BMP7: variants seen among roughly 807,000 people sequenced by gnomAD.
The protein encoded by BMP7 is bone morphogenetic protein 7.
In BMP7, 12 loss-of-function variants were observed where a neutral mutation model predicts 41.2. The ratio of observed to expected loss-of-function variants is 0.29; its 90% CI spans 0.19 to 0.47. The LOEUF is 0.47. BMP7 is among the 20% of genes least tolerant of loss of function. The pLI is 0.99. For synonymous variants in BMP7, 248 were observed against 250.0 expected (o/e 0.99, Z 0.07); for missense variants, 467 against 606.0 (o/e 0.77, Z 2.41).
chr20:57,179,314 C>CGCCA (rs745315990), intron 4 of BMP7, among the ~76,000 whole-genome samples: 276 of 152,360 alleles, frequency 1.8e-3, no homozygotes, highest in Non-Finnish European at 2.2e-3. Flanking sequence ...ACAGCCCTGA[C>CGCCA]GCCAGCACCG....
At position 57,189,409 on chromosome 20, in the gene BMP7, C is replaced by T. The variant is rs138857506; in HGVS notation, c.761-5490G>A. On this transcript the variant is annotated intron_variant, in intron 3 of 6. Transcript: ENST00000395863. ...AAATGAAAATGTGGGGCCTCTTGTT[C>T]AAAAGTGATTCATCATTTCAAGGTG... is the stretch of plus-strand genomic sequence containing the variant. 2.2e-3 allele frequency among the ~76,000 whole-genome samples: 340 copies of T among 152,296 alleles called. 3 individuals carry two copies. Among genetic ancestry groups the T allele is most frequent in the African/African-American group, 7.9e-3 (330 of 41,558 alleles).
intron 3 of BMP7, among the ~76,000 whole-genome samples, chr20:57,190,308 G>A (rs188645635): frequency 1.1e-4 from 16 of 151,930 alleles, no homozygotes; most frequent in African/African-American, 3.4e-4. Context: ...AGGCCAGAGT[G>A]AGTGAGGAGC....
At chr20:57,263,578 AC>A in intron 1 of BMP7, among the ~76,000 whole-genome samples, 1 of 152,156 alleles carries the variant, frequency 6.6e-6, no homozygotes, top group Middle Eastern at 3.4e-3. Context: ...GATTACAAAT[AC>A]CTTTTTAATG....
intron 3 of BMP7, among the ~76,000 whole-genome samples, chr20:57,189,862 G>A (rs1984309264): frequency 1.3e-5 from 2 of 152,232 alleles, no homozygotes; most frequent in Admixed American, 6.5e-5. Flanking sequence ...GCTGACTGGC[G>A]AGGGAGATCA....
At chr20:57,254,347 G>A (rs1019175019) in intron 1 of BMP7, among the ~76,000 whole-genome samples, 1 of 152,030 alleles carries the variant, frequency 6.6e-6, no homozygotes, top group African/African-American at 2.4e-5. Flanking sequence ...CTTATTAAAA[G>A]ACAGAAAACT....
intron 1 of BMP7, among the ~76,000 whole-genome samples, chr20:57,250,637 A>G (rs6070035): frequency 0.46 from 69,795 of 151,670 alleles, 16,252 homozygotes; most frequent in Admixed American, 0.52. Context: ...ATGGTGTTCA[A>G]AGAAATAAAA....
In BMP7 at chr20:57,173,283, C is replaced by T. The variant is rs962224086; in HGVS notation, c.1063G>A (p.Ala355Thr). The T allele has an allele frequency of 9.9e-6, 16 of 1,614,042 alleles. No individual in the cohort carries two copies. The highest frequency in any genetic ancestry group is 5.0e-5 in the Admixed American group (3 of 60,010). Residue 355 changes from alanine (A) to threonine (T), a missense_variant, in exon 6 of 7, where the codon GCC becomes ACC. This residue lies in a region of BMP7 where 60 missense variants were observed against 120.1 expected (regional missense o/e 0.50). Coordinates refer to ENST00000395863, the MANE Select transcript of BMP7 (RefSeq NM_001719.3). ...CACTCCCCCTCACAGTAGTAGGCGGCGTAGCCTTCAGGCGCGATGATCCAG... is the reference window on the plus strand; with the variant it reads ...CACTCCCCCTCACAGTAGTAGGCGGTGTAGCCTTCAGGCGCGATGATCCAG... ...QDWIIAPEGY[A>T]AYYCEGECAF...
rs1284888052 is a variant in BMP7 at position 57,265,828 on chromosome 20, C to T, written c.295G>A (p.Gly99Ser). 1.9e-6 allele frequency: 3 copies of T among 1,606,424 alleles called. No individual in the cohort carries two copies. The highest frequency in any genetic ancestry group is 1.7e-5 in the Admixed American group (1 of 59,182). The change falls in exon 1 of 7, where the codon GGC (glycine) becomes AGC (serine). Residue 99 changes from glycine to serine, a missense_variant. By Grantham distance (56) the Gly-to-Ser change is moderately conservative (BLOSUM62 0). Around this residue, in one of 2 missense-constraint regions of BMP7, gnomAD observed 407 missense variants for 485.9 expected, o/e 0.84. Transcript: ENST00000395863. ...TAGGGGTAGGAGAAGCCCTGGCCGC[C>T]GGGCCCGCCGCCCTCCTCCACCGCC... ...AMAVEEGGGP[G>S]GQGFSYPYKA...
chr20:57,247,227 A>C (rs2066094012), intron 1 of BMP7, among the ~76,000 whole-genome samples: 1 of 152,214 alleles, frequency 6.6e-6, no homozygotes. Flanking sequence ...CAAACTGCTT[A>C]AGAGCCTCCC....
At chr20:57,239,631 G>T (rs368716821) in intron 1 of BMP7, among the ~76,000 whole-genome samples, 4 of 152,220 alleles carry the variant, frequency 2.6e-5, no homozygotes, top group South Asian at 4.1e-4. Flanking sequence ...CCTAGCGGAG[G>T]TTCTCCATGA....
chr20:57,214,618 T>C lies in BMP7; in HGVS notation c.612-11995A>G, dbSNP rs1394662377. On this transcript the variant is annotated intron_variant, in intron 2 of 6. Transcript: ENST00000395863. This position sits in a 1 kb window ranked among gnomAD's most constrained non-coding sequence, Gnocchi z 4.0. ...ATGCTGTTTCCGCTGCCTGCAACAC[T>C]GTTCCCTGCCTTTTCACCTCCCTCA... Among the ~76,000 whole-genome samples, 1 of 151,992 alleles carries C rather than the reference T, an allele frequency of 6.6e-6. No individual in the cohort carries two copies. Among genetic ancestry groups the C allele is most frequent in the East Asian group, 1.9e-4 (1 of 5,164 alleles).
intron 3 of BMP7, among the ~76,000 whole-genome samples, chr20:57,201,537 G>A (rs1248289914): frequency 1.3e-5 from 2 of 152,236 alleles, no homozygotes; most frequent in Non-Finnish European, 2.9e-5. Context: ...GTTGTCCCTG[G>A]GAAGTGGAAC....
In BMP7 at chr20:57,199,634, T is replaced by C. The variant is rs1003813188; in HGVS notation, c.760+2841A>G. Among the ~76,000 whole-genome samples the C allele has an allele frequency of 1.4e-4, 22 of 152,156 alleles. No homozygotes were observed. The Middle Eastern group carries it at 9.5e-3, about 66-fold the overall frequency. On this transcript the variant is annotated intron_variant, in intron 3 of 6. Coordinates refer to ENST00000395863, the MANE Select transcript of BMP7 (RefSeq NM_001719.3). ...CTGAAGGACGCCAGGCTTGAGATCCTCCACGGTAGGGAAAACAAAGCATTT... is the reference window on the plus strand; with the variant it reads ...CTGAAGGACGCCAGGCTTGAGATCCCCCACGGTAGGGAAAACAAAGCATTT...
At chr20:57,248,534 C>G (rs1029645745) in intron 1 of BMP7, among the ~76,000 whole-genome samples, 16 of 152,138 alleles carry the variant, frequency 1.1e-4, no homozygotes, top group African/African-American at 3.6e-4. Flanking sequence ...TGTGAGATTG[C>G]ATGAGGATGA....
At chr20:57,229,689 G>A (rs951088015) in intron 1 of BMP7, among the ~76,000 whole-genome samples, 1 of 152,244 alleles carries the variant, frequency 6.6e-6, no homozygotes, top group Non-Finnish European at 1.5e-5. Flanking sequence ...GAACTGGAGA[G>A]AGAGGGAGAA....
At chr20:57,260,531 G>A (rs2066149823) in intron 1 of BMP7, among the ~76,000 whole-genome samples, 1 of 152,158 alleles carries the variant, frequency 6.6e-6, no homozygotes, top group Admixed American at 6.5e-5. Context: ...TGTAAATATT[G>A]GTAGTTCCTC....
intron 6 of BMP7, among the ~76,000 whole-genome samples, chr20:57,172,817 C>T (rs1176628256): frequency 6.6e-6 from 1 of 152,196 alleles, no homozygotes; most frequent in Non-Finnish European, 1.5e-5. Context: ...AGCTTCTGAT[C>T]ACTGTGCCCC....
Position 57,238,327 on chromosome 20 carries a change from T to A in BMP7, c.419-9906A>T, listed in dbSNP as rs556929037. 1.6e-4 allele frequency among the ~76,000 whole-genome samples: 25 copies of A among 152,370 alleles called. No homozygotes were observed. The South Asian group carries it at 1.9e-3, about 11-fold the overall frequency. ...TAAGGCTGAATAATATTCCACTGTA[T>A]GGATGGGCCACATTTTGTTTATTCA... is the stretch of plus-strand genomic sequence containing the variant. On this transcript the variant is annotated intron_variant, in intron 1 of 6. Coordinates refer to ENST00000395863, the MANE Select transcript of BMP7 (RefSeq NM_001719.3).
At chr20:57,206,166 T>G (rs1259678242) in intron 2 of BMP7, among the ~76,000 whole-genome samples, 3 of 152,194 alleles carry the variant, frequency 2.0e-5, no homozygotes, top group Non-Finnish European at 2.9e-5. Context: ...GTGACATTTT[T>G]ATTTACCTTG....
Sources: allele counts gnomAD v4.1 joint callset (sites outside exome capture counted in the v4.1 genomes callset), GRCh38; gene constraint gnomAD v4.1.1; regional missense constraint gnomAD v4.1.1; non-coding constraint Gnocchi (gnomAD v3.1); transcripts MANE v1.5; gene names NCBI Gene and HGNC (gene_info 2026-07-23, HGNC 2026-07-21).